Variants in CGREF1 observed in about 807,000 individuals in gnomAD.
The protein encoded by CGREF1 is cell growth regulator with EF-hand domain 1.
CGREF1 carries 16 observed loss-of-function variants against 17.4 expected under a neutral mutation model. That is an observed-to-expected ratio of 0.92 (90% CI 0.62 to 1.40). The LOEUF (loss-of-function observed/expected upper bound fraction) is 1.40, where lower values mean the gene tolerates loss of function less well. Among genes scored for constraint, CGREF1 ranks in the 40% most tolerant of loss-of-function variants. The pLI, the probability that CGREF1 is intolerant of heterozygous loss-of-function variation, is 0.00. For missense variants in CGREF1, 296 were observed against 376.4 expected (o/e 0.79, Z 1.77); for synonymous variants, 142 against 154.6 (o/e 0.92, Z 0.61).
intron 1 of CGREF1, among the ~76,000 whole-genome samples, chr2:27,107,918 A>G (rs1473067200): frequency 9.6e-5 from 13 of 136,042 alleles, no homozygotes; most frequent in Admixed American, 7.7e-4. Context: ...TGGGCCACAG[A>G]GCGAGACTCT....
At chr2:27,109,587 TTAAATATGCA>T (rs1356472758) in intron 1 of CGREF1, among the ~76,000 whole-genome samples, 1 of 151,970 alleles carries the variant, frequency 6.6e-6, no homozygotes, top group Admixed American at 6.5e-5. Context: ...ATGAACTTTG[TTAAATATGCA>T]TGTTAAGGCT....
At chr2:27,102,487 G>T (rs748210478) in intron 3 of CGREF1, 39 bp downstream of exon 3, 1 of 1,613,574 alleles carries the variant, frequency 6.2e-7, no homozygotes, top group Non-Finnish European at 8.5e-7. Flanking sequence ...CCTGGGCCTG[G>T]TCTTCTCCCT....
chr2:27,113,654 G>A (rs376707980), intron 1 of CGREF1, among the ~76,000 whole-genome samples: 2 of 152,160 alleles, frequency 1.3e-5, no homozygotes, highest in African/African-American at 4.8e-5. Context: ...CTAGCTGTGC[G>A]GCTTTTCTGT....
At chr2:27,099,978 T>TGTCAGCTTCTGTC (rs113578725), downstream of CGREF1, 628 of 907,696 alleles carry the variant, frequency 6.9e-4, 3 homozygotes, top group African/African-American at 9.8e-3. Flanking sequence ...CAGCTTCTCC[T>TGTCAGCTTCTGTC]CTCAATGTCT....
chr2:27,105,493 T>C (rs913000024), intron 1 of CGREF1, among the ~76,000 whole-genome samples: 14 of 152,166 alleles, frequency 9.2e-5, no homozygotes, highest in African/African-American at 3.1e-4. Flanking sequence ...TAGCTAAACA[T>C]GGAAGTCCAC....
At chr2:27,106,837 C>T (rs990559300) in intron 1 of CGREF1, among the ~76,000 whole-genome samples, 13 of 152,150 alleles carry the variant, frequency 8.5e-5, no homozygotes, top group Non-Finnish European at 1.8e-4. Context: ...AAGCTGGTCT[C>T]GAACTCCTGA....
At chr2:27,110,026 AAAG>A (rs1671298415) in intron 1 of CGREF1, among the ~76,000 whole-genome samples, 1 of 152,152 alleles carries the variant, frequency 6.6e-6, no homozygotes. Flanking sequence ...AAAGGCAGAA[AAAG>A]AAGAAATAAA....
chr2:27,116,908 TCTCTCTCTCTCTCTC>T (rs1435256325), intron 1 of CGREF1, among the ~76,000 whole-genome samples: 1,295 of 121,768 alleles, frequency 0.011, 42 homozygotes, highest in African/African-American at 0.016. Flanking sequence ...TCTCTCTCTC[TCTCTCTCTCTCTCTC>T]TTTTTTTGAG....
At chr2:27,102,866 C>T in intron 2 of CGREF1, 1 of 922,700 alleles carries the variant, frequency 1.1e-6, no homozygotes, top group Non-Finnish European at 1.3e-6. Context: ...TGAGGCCACA[C>T]CTAGTAGACA....
intron 1 of CGREF1, among the ~76,000 whole-genome samples, chr2:27,104,964 A>G (rs1572894840): frequency 6.6e-6 from 1 of 152,310 alleles, no homozygotes; most frequent in Admixed American, 6.5e-5. Context: ...CAGTGGCCCC[A>G]GGAATTGCTA....
intron 2 of CGREF1, among the ~76,000 whole-genome samples, chr2:27,103,380 C>T (rs1210813994): frequency 1.3e-5 from 2 of 150,876 alleles, no homozygotes; most frequent in African/African-American, 2.4e-5. Flanking sequence ...ACCATAAGGT[C>T]TTTTTTTTTC....
At chr2:27,104,622 G>C (rs780519897) in intron 1 of CGREF1, 6 of 1,550,638 alleles carry the variant, frequency 3.9e-6, no homozygotes, top group African/African-American at 1.4e-5. Flanking sequence ...GGCGGAAGCA[G>C]AGCTGGGGGC....
intron 1 of CGREF1, among the ~76,000 whole-genome samples, chr2:27,107,716 C>G (rs1169778933): frequency 1.3e-5 from 2 of 150,532 alleles, no homozygotes; most frequent in Non-Finnish European, 1.5e-5. Flanking sequence ...TGGTGGATCA[C>G]GAGGTCAGGT....
intron 1 of CGREF1, among the ~76,000 whole-genome samples, chr2:27,109,624 G>A (rs550989976): frequency 1.5e-4 from 23 of 152,182 alleles, no homozygotes; most frequent in African/African-American, 5.1e-4. Flanking sequence ...GGTGGCTCAC[G>A]CCTGTAATCC....
intron 1 of CGREF1, among the ~76,000 whole-genome samples, chr2:27,106,915 C>A (rs1452921280): frequency 6.6e-6 from 1 of 152,034 alleles, no homozygotes; most frequent in Non-Finnish European, 1.5e-5. Context: ...ACTGCGCCTG[C>A]CCTCTAATGT....
intron 2 of CGREF1, chr2:27,103,051 C>T (rs774388147): frequency 2.3e-5 from 23 of 985,212 alleles, no homozygotes; most frequent in Non-Finnish European, 2.7e-5. Context: ...ATACTTTTTC[C>T]AGGACAGGGT....
chr2:27,108,920 C>T (rs768880552), intron 1 of CGREF1, among the ~76,000 whole-genome samples: 5 of 151,712 alleles, frequency 3.3e-5, no homozygotes, highest in Non-Finnish European at 5.9e-5. Context: ...GTAGCTGGGA[C>T]GACATGAATG....
intron 1 of CGREF1, among the ~76,000 whole-genome samples, chr2:27,116,871 T>TTCTCCC (rs1671586605): frequency 3.0e-5 from 1 of 33,700 alleles, no homozygotes; most frequent in Non-Finnish European, 5.9e-5. Flanking sequence ...GCCAGGCCTA[T>TTCTCCC]TCTCTCTCTC....
downstream of CGREF1, chr2:27,099,767 C>T (rs756165954): frequency 6.2e-6 from 10 of 1,612,688 alleles, no homozygotes; most frequent in East Asian, 1.8e-4. Flanking sequence ...GTGCCGGCTC[C>T]TCACACACCA....
Sources: allele counts gnomAD v4.1 joint callset (sites outside exome capture counted in the v4.1 genomes callset), GRCh38; gene constraint gnomAD v4.1.1; transcripts MANE v1.5; gene names NCBI Gene and HGNC (gene_info 2026-07-23, HGNC 2026-07-21).